The following CCDC148 variants were observed in gnomAD, a reference collection of about 807,000 sequenced individuals.
CCDC148 encodes the protein coiled-coil domain containing 148.
In CCDC148, 89 loss-of-function variants were observed where a neutral mutation model predicts 85.7. The ratio of observed to expected loss-of-function variants is 1.04; its 90% CI spans 0.87 to 1.24. The LOEUF is 1.24. Ranked by LOEUF, CCDC148 falls within the 50% of genes most tolerant of loss-of-function variation. CCDC148 has a pLI of 0.00. For synonymous variants in CCDC148, 230 were observed against 213.9 expected (o/e 1.08, Z -0.66); for missense variants, 692 against 671.7 (o/e 1.03, Z -0.33).
chr2:158,411,640 T>C (rs184810341), intron 1 of CCDC148, among the ~76,000 whole-genome samples: 1 of 152,322 alleles, frequency 6.6e-6, no homozygotes, highest in African/African-American at 2.4e-5. Context: ...CAAGCTTTTT[T>C]AAACAAATTA....
chr2:158,320,880 T>C (rs1025296505), intron 7 of CCDC148, among the ~76,000 whole-genome samples: 6 of 152,146 alleles, frequency 3.9e-5, no homozygotes. Context: ...AACAATTACA[T>C]TAAAAAGGCA....
intron 1 of CCDC148, among the ~76,000 whole-genome samples, chr2:158,370,677 G>T: frequency 6.6e-6 from 1 of 151,848 alleles, no homozygotes; most frequent in African/African-American, 2.4e-5. Context: ...TTATTGTCCT[G>T]AAAAAACTGA....
intron 1 of CCDC148, among the ~76,000 whole-genome samples, chr2:158,420,660 T>C (rs1468494257): frequency 6.6e-6 from 1 of 152,104 alleles, no homozygotes; most frequent in Non-Finnish European, 1.5e-5. Context: ...CCATCGATGC[T>C]AGGAAGAAAC....
intron 2 of CCDC148, among the ~76,000 whole-genome samples, chr2:158,346,367 T>C (rs1384128168): frequency 6.6e-6 from 1 of 152,166 alleles, no homozygotes; most frequent in Admixed American, 6.5e-5. Context: ...CTCTGAACAG[T>C]TCCACTACGG....
At chr2:158,305,853 A>C (rs1022188474) in intron 9 of CCDC148, among the ~76,000 whole-genome samples, 2 of 152,094 alleles carry the variant, frequency 1.3e-5, no homozygotes, top group Non-Finnish European at 1.5e-5. Flanking sequence ...AGGCAACATT[A>C]ATCACCAATA....
intron 2 of CCDC148, among the ~76,000 whole-genome samples, chr2:158,353,554 T>C (rs9677792): frequency 0.17 from 26,367 of 151,018 alleles, 3,802 homozygotes; most frequent in African/African-American, 0.4. Flanking sequence ...GCACCCAATA[T>C]AGGTGCACCA....
At chr2:158,221,326 A>C (rs904162511) in intron 10 of CCDC148, among the ~76,000 whole-genome samples, 1 of 152,200 alleles carries the variant, frequency 6.6e-6, no homozygotes, top group Non-Finnish European at 1.5e-5. Flanking sequence ...TGTTATTAGT[A>C]GGCCTGTTTT....
intron 2 of CCDC148, among the ~76,000 whole-genome samples, chr2:158,351,006 C>A (rs537910587): frequency 6.6e-6 from 1 of 152,132 alleles, no homozygotes; most frequent in Non-Finnish European, 1.5e-5. Context: ...CTCATTGTAA[C>A]TTCATACTTT....
At chr2:158,259,995 C>G (rs766355406) in intron 9 of CCDC148, among the ~76,000 whole-genome samples, 6 of 151,966 alleles carry the variant, frequency 3.9e-5, no homozygotes, top group Non-Finnish European at 5.9e-5. Context: ...CTCCTAGTGA[C>G]TTTTTAACTA....
At chr2:158,398,992 A>C (rs1158556608) in intron 1 of CCDC148, among the ~76,000 whole-genome samples, 2 of 152,244 alleles carry the variant, frequency 1.3e-5, no homozygotes, top group South Asian at 4.1e-4. Flanking sequence ...AGAATACTAT[A>C]AACACCTCTA....
chr2:158,414,088 C>T (rs568100934), intron 1 of CCDC148, among the ~76,000 whole-genome samples: 203 of 152,242 alleles, frequency 1.3e-3, no homozygotes, highest in South Asian at 4.1e-3. Context: ...AACTTTTAAA[C>T]AGTAACAACA....
intron 10 of CCDC148, among the ~76,000 whole-genome samples, chr2:158,248,596 T>C (rs1688665812): frequency 6.6e-6 from 1 of 152,122 alleles, no homozygotes; most frequent in Non-Finnish European, 1.5e-5. Context: ...TGTTTTACTA[T>C]AAAGTACAGG....
chr2:158,246,616 C>T (rs1040320445), intron 10 of CCDC148, among the ~76,000 whole-genome samples: 3 of 152,084 alleles, frequency 2.0e-5, no homozygotes, highest in East Asian at 1.9e-4. Context: ...AGCTGGTGGC[C>T]GGGCCTTTAA....
chr2:158,323,182 G>A (rs143684488), intron 7 of CCDC148, among the ~76,000 whole-genome samples: 3 of 152,178 alleles, frequency 2.0e-5, no homozygotes, highest in African/African-American at 7.2e-5. Flanking sequence ...TTCAGTAAAA[G>A]AGATCATCCT....
At chr2:158,417,845 A>G (rs2105320169) in intron 1 of CCDC148, among the ~76,000 whole-genome samples, 1 of 152,324 alleles carries the variant, frequency 6.6e-6, no homozygotes, top group African/African-American at 2.4e-5. Context: ...CCTGAGGCAT[A>G]AAGACATCAG....
chr2:158,298,225 G>T (rs1196068064), intron 9 of CCDC148, among the ~76,000 whole-genome samples: 3 of 152,086 alleles, frequency 2.0e-5, no homozygotes, highest in Non-Finnish European at 2.9e-5. Flanking sequence ...CAACATGTGG[G>T]GATTATGGGA....
chr2:158,274,302 A>G (rs574418430), intron 9 of CCDC148, among the ~76,000 whole-genome samples: 1 of 152,252 alleles, frequency 6.6e-6, no homozygotes, highest in South Asian at 2.1e-4. Flanking sequence ...AAAGTATGAA[A>G]AGATGTTATA....
At chr2:158,410,941 CT>C (rs11285481) in intron 1 of CCDC148, among the ~76,000 whole-genome samples, 59,233 of 151,788 alleles carry the variant, frequency 0.39, 12,237 homozygotes, top group East Asian at 0.6. Context: ...ATTCTAACTA[CT>C]TTATTTTTAA....
intron 9 of CCDC148, among the ~76,000 whole-genome samples, chr2:158,261,618 C>T (rs768892329): frequency 5.3e-5 from 8 of 151,646 alleles, no homozygotes; most frequent in Non-Finnish European, 1.0e-4. Context: ...GCAAGCTATG[C>T]ATCTGACAAA....
Sources: allele counts gnomAD v4.1 joint callset (sites outside exome capture counted in the v4.1 genomes callset), GRCh38; gene constraint gnomAD v4.1.1; transcripts MANE v1.5; gene names NCBI Gene and HGNC (gene_info 2026-07-23, HGNC 2026-07-21).